The following TNIK variants were observed in gnomAD, a reference collection of about 807,000 sequenced individuals.
TNIK encodes the protein TRAF2 and NCK-interacting protein kinase.
Under a neutral mutation model 191.3 loss-of-function variants are expected in TNIK, and 49 were observed. That is an observed-to-expected ratio of 0.26 (90% CI 0.20 to 0.32). The LOEUF is 0.32. Among genes scored for constraint, TNIK ranks in the 10% least tolerant of loss-of-function variants. The pLI, the probability that TNIK is intolerant of heterozygous loss-of-function variation, is 1.00. For missense variants in TNIK, 1,155 were observed against 1,702.3 expected, an observed-to-expected ratio of 0.68 and a Z score of 5.66; for synonymous variants, 594 against 600.9, an observed-to-expected ratio of 0.99 and a Z score of 0.17.
intron 2 of TNIK, among the ~76,000 whole-genome samples, chr3:171,368,493 T>A (rs145416127): frequency 2.0e-5 from 3 of 152,170 alleles, no homozygotes; most frequent in Non-Finnish European, 2.9e-5. Flanking sequence ...AGTGAGCAGG[T>A]TGGGTAGACT....
rs1750337717 is a variant in TNIK at position 171,280,755 on chromosome 3, T to C, written c.124-52534A>G. 2.6e-5 allele frequency among the ~76,000 whole-genome samples: 4 copies of C among 152,128 alleles called. No homozygotes were observed. The South Asian group carries it at 8.3e-4, about 32-fold the overall frequency. ...TAAAAGACAATGTTGATATATAACA[T>C]TATATAAAATGTTCTTAATATCAGA... On this transcript the variant is annotated intron_variant, in intron 2 of 32. Transcript: ENST00000436636.
At chr3:171,107,035 A>T in intron 21 of TNIK, 148 bp downstream of exon 21, 1 of 788,050 alleles carries the variant, frequency 1.3e-6, no homozygotes, top group Non-Finnish European at 2.0e-6. Context: ...GTTGGCTTCC[A>T]TTTGAAGGGG....
intron 2 of TNIK, among the ~76,000 whole-genome samples, chr3:171,320,155 T>G (rs145550186): frequency 1.3e-5 from 2 of 152,212 alleles, no homozygotes; most frequent in South Asian, 4.1e-4. Context: ...ATGGTTCTTC[T>G]GGACCCTTCC....
intron 1 of TNIK, among the ~76,000 whole-genome samples, chr3:171,381,086 T>C (rs1163362440): frequency 6.6e-6 from 1 of 152,086 alleles, no homozygotes; most frequent in African/African-American, 2.4e-5. Flanking sequence ...TTTATATCTA[T>C]GGCTAGGCCA....
chr3:171,389,493 C>T (rs1387673000), intron 1 of TNIK, among the ~76,000 whole-genome samples: 7 of 152,244 alleles, frequency 4.6e-5, no homozygotes, highest in East Asian at 3.9e-4. Context: ...GCAGACACCA[C>T]GAGGTACCAA....
intron 1 of TNIK, among the ~76,000 whole-genome samples, chr3:171,394,111 C>T (rs1719918960): frequency 6.6e-6 from 1 of 152,172 alleles, no homozygotes; most frequent in Non-Finnish European, 1.5e-5. Context: ...TCCTCAGAGG[C>T]TGGTACCAGA....
intron 5 of TNIK, 93 bp from the exon 6 acceptor site, chr3:171,190,880 C>T (rs1323973695): frequency 1.2e-6 from 1 of 817,776 alleles, no homozygotes; most frequent in African/African-American, 1.7e-5. Context: ...AAACTTTACA[C>T]TCACCCAGAC....
chr3:171,215,146 C>A (rs1049228933), intron 3 of TNIK, among the ~76,000 whole-genome samples: 1 of 152,118 alleles, frequency 6.6e-6, no homozygotes, highest in Non-Finnish European at 1.5e-5. Context: ...TGCCAGAGAA[C>A]CAACCCTTCA....
intron 2 of TNIK, among the ~76,000 whole-genome samples, chr3:171,237,544 G>A (rs1383142336): frequency 1.3e-5 from 2 of 150,954 alleles, no homozygotes; most frequent in Non-Finnish European, 2.9e-5. Flanking sequence ...CCAGCCAAAT[G>A]TCTCCTCTGT....
chr3:171,122,914 T>C (rs1392871412), intron 18 of TNIK, among the ~76,000 whole-genome samples: 1 of 152,210 alleles, frequency 6.6e-6, no homozygotes, highest in Non-Finnish European at 1.5e-5. Context: ...AGATACTGTT[T>C]ACTTTCCAGC....
At chr3:171,221,140 GGTGGA>G (rs1294968981) in intron 3 of TNIK, among the ~76,000 whole-genome samples, 1 of 152,176 alleles carries the variant, frequency 6.6e-6, no homozygotes, top group Non-Finnish European at 1.5e-5. Context: ...TAGCCCCAAA[GGTGGA>G]GGGTATTAGG....
At chr3:171,100,433 G>C (rs1723304377) in intron 22 of TNIK, among the ~76,000 whole-genome samples, 1 of 152,072 alleles carries the variant, frequency 6.6e-6, no homozygotes. Context: ...ATTCCCTTTA[G>C]ACTGGCCAGC....
At chr3:171,244,696 G>A (rs1329855992) in intron 2 of TNIK, among the ~76,000 whole-genome samples, 2 of 151,712 alleles carry the variant, frequency 1.3e-5, no homozygotes, top group African/African-American at 2.4e-5. Flanking sequence ...ATGTTACAAA[G>A]GTGAGATAGA....
intron 32 of TNIK, among the ~76,000 whole-genome samples, chr3:171,065,872 A>G (rs1718377009): frequency 1.3e-5 from 2 of 152,364 alleles, no homozygotes; most frequent in Admixed American, 1.3e-4. Flanking sequence ...CCACTGTGAG[A>G]TGATTAATGA....
intron 1 of TNIK, among the ~76,000 whole-genome samples, chr3:171,382,476 C>T (rs1718176714): frequency 6.6e-6 from 1 of 152,196 alleles, no homozygotes; most frequent in South Asian, 2.1e-4. Context: ...TCGCCTCAGC[C>T]TCCCAAAGTG....
chr3:171,175,328 G>T lies in TNIK; in HGVS notation c.697C>A (p.Leu233Ile). The T allele has an allele frequency of 6.2e-7, 1 of 1,607,992 alleles. No individual in the cohort carries two copies. The highest frequency in any genetic ancestry group is 8.5e-7 in the Non-Finnish European group (1 of 1,177,614). ...AIEMAEGAPP[L>I]CDMHPMRALF... ...GCTCTCATGGGGTGCATGTCACAGA[G>T]AGCTGCAAGAGACCAAAACAAGGGC... The change falls in exon 9 of 33, where the codon CTC (leucine) becomes ATC (isoleucine). Residue 233 changes from leucine (L) to isoleucine (I), a missense_variant and splice_region_variant. Transcript: ENST00000436636.
At chr3:171,117,447 T>TG (rs1014329438) in intron 18 of TNIK, among the ~76,000 whole-genome samples, 6 of 151,862 alleles carry the variant, frequency 4.0e-5, no homozygotes, top group South Asian at 2.1e-4. Context: ...AAAATGGTGG[T>TG]GATTACAGTC....
At chr3:171,354,220 T>C (rs1713669527) in intron 2 of TNIK, among the ~76,000 whole-genome samples, 1 of 152,172 alleles carries the variant, frequency 6.6e-6, no homozygotes, top group Non-Finnish European at 1.5e-5. Flanking sequence ...TTTTCAGCAT[T>C]AGGCACTTTC....
intron 8 of TNIK, among the ~76,000 whole-genome samples, chr3:171,175,877 G>A (rs16855948): frequency 0.018 from 2,678 of 152,200 alleles, 68 homozygotes; most frequent in African/African-American, 0.06. Context: ...TTCAGGTTTC[G>A]TAACGGGTTT....
Sources: gnomAD v4.1 joint callset for allele counts (sites outside exome capture counted in the v4.1 genomes callset) on GRCh38, gnomAD v4.1.1 for gene constraint, MANE v1.5 for transcripts, NCBI Gene and HGNC (gene_info 2026-07-23, HGNC 2026-07-21) for gene names.